EPHA5: variants seen among roughly 807,000 people sequenced by gnomAD.
EPHA5 encodes ephrin type-A receptor 5.
In EPHA5, 60 loss-of-function variants were observed where a neutral mutation model predicts 105.0. The ratio of observed to expected loss-of-function variants is 0.57; its 90% CI spans 0.46 to 0.71. The LOEUF (loss-of-function observed/expected upper bound fraction) is 0.71. Among genes scored for constraint, EPHA5 ranks in the 30% least tolerant of loss-of-function variants. EPHA5 has a pLI of 0.00. For synonymous variants in EPHA5, 513 were observed against 449.1 expected (o/e 1.14, Z -1.80); for missense variants, 1,218 against 1,274.7 (o/e 0.96, Z 0.68).
chr4:65,393,286 G>T (rs2148960895), intron 8 of EPHA5, among the ~76,000 whole-genome samples: 1 of 152,228 alleles, frequency 6.6e-6, no homozygotes, highest in East Asian at 1.9e-4. Flanking sequence ...GTCACAAAGT[G>T]TAACTTCTCT....
chr4:65,433,509 G>T (rs997521624), intron 5 of EPHA5, among the ~76,000 whole-genome samples: 17 of 152,260 alleles, frequency 1.1e-4, no homozygotes, highest in Middle Eastern at 3.4e-3. Flanking sequence ...CAGAAACTCA[G>T]ATATATTTCA....
At chr4:65,433,556 C>T (rs1366267289) in intron 5 of EPHA5, among the ~76,000 whole-genome samples, 2 of 152,250 alleles carry the variant, frequency 1.3e-5, no homozygotes, top group East Asian at 3.9e-4. Context: ...ATATAAATTT[C>T]CTATTGCTGC....
intron 5 of EPHA5, among the ~76,000 whole-genome samples, chr4:65,444,137 A>G (rs1035107977): frequency 3.9e-5 from 6 of 152,074 alleles, no homozygotes; most frequent in African/African-American, 1.4e-4. Flanking sequence ...TTTCATTAAA[A>G]CTGTTTTACT....
At chr4:65,470,518 G>A (rs1325683278) in intron 5 of EPHA5, among the ~76,000 whole-genome samples, 1 of 152,030 alleles carries the variant, frequency 6.6e-6, no homozygotes, top group Admixed American at 6.6e-5. Flanking sequence ...TATAATAGTA[G>A]AACATGTATT....
At chr4:65,499,755 C>T (rs1393055137) in intron 3 of EPHA5, among the ~76,000 whole-genome samples, 1 of 151,386 alleles carries the variant, frequency 6.6e-6, no homozygotes, top group Non-Finnish European at 1.5e-5. Flanking sequence ...AGAAACTTTT[C>T]TTCTGCCTCT....
intron 8 of EPHA5, among the ~76,000 whole-genome samples, chr4:65,389,814 G>A (rs1050620091): frequency 6.6e-6 from 1 of 151,980 alleles, no homozygotes; most frequent in Non-Finnish European, 1.5e-5. Flanking sequence ...TCTGTCTGGA[G>A]GGACACTAAA....
intron 2 of EPHA5, among the ~76,000 whole-genome samples, chr4:65,606,507 T>C (rs904504368): frequency 6.6e-6 from 1 of 152,170 alleles, no homozygotes; most frequent in Admixed American, 6.5e-5. Flanking sequence ...GATTAAAAAT[T>C]AGTTTGGTAA....
At chr4:65,510,195 T>C (rs1048558687) in intron 3 of EPHA5, among the ~76,000 whole-genome samples, 3 of 104,030 alleles carry the variant, frequency 2.9e-5, no homozygotes, top group Non-Finnish European at 5.9e-5. Context: ...CCACTACGTC[T>C]GGCTAATTTT....
intron 3 of EPHA5, among the ~76,000 whole-genome samples, chr4:65,586,332 TA>T (rs1205234735): frequency 4.0e-5 from 6 of 151,800 alleles, no homozygotes; most frequent in African/African-American, 1.4e-4. Context: ...ATATAATAAT[TA>T]GACAATCTTA....
At chr4:65,502,693 T>C (rs968988631) in intron 3 of EPHA5, among the ~76,000 whole-genome samples, 1 of 151,784 alleles carries the variant, frequency 6.6e-6, no homozygotes, top group African/African-American at 2.4e-5. Context: ...TTTGGAGATT[T>C]CTCAAATAAC....
At chr4:65,371,825 A>G (rs11722874) in intron 8 of EPHA5, among the ~76,000 whole-genome samples, 7,568 of 152,010 alleles carry the variant, frequency 0.05, 337 homozygotes, top group African/African-American at 0.11. Flanking sequence ...CTTAATCTAA[A>G]TAACGTACAG....
At chr4:65,536,376 G>A (rs1736287182) in intron 3 of EPHA5, among the ~76,000 whole-genome samples, 1 of 151,892 alleles carries the variant, frequency 6.6e-6, no homozygotes, top group Admixed American at 6.6e-5. Context: ...TTAACAATGT[G>A]TTATAGGAAA....
At chr4:65,462,677 A>G (rs185817471) in intron 5 of EPHA5, among the ~76,000 whole-genome samples, 402 of 152,296 alleles carry the variant, frequency 2.6e-3, no homozygotes, top group African/African-American at 9.3e-3. Context: ...GGTGGTCTCA[A>G]CGTTCCAAGA....
At chr4:65,663,868 A>C (rs2149555351) in intron 1 of EPHA5, among the ~76,000 whole-genome samples, 1 of 152,156 alleles carries the variant, frequency 6.6e-6, no homozygotes, top group Middle Eastern at 3.4e-3. Context: ...ACCACTATTT[A>C]TTTGGAGCTT....
chr4:65,443,775 T>G (rs1047285543), intron 5 of EPHA5, among the ~76,000 whole-genome samples: 1 of 152,210 alleles, frequency 6.6e-6, no homozygotes, highest in African/African-American at 2.4e-5. Context: ...TGGTGAACTC[T>G]GACAGAAAAC....
chr4:65,642,011 G>T (rs188829760), intron 2 of EPHA5, among the ~76,000 whole-genome samples: 2 of 151,910 alleles, frequency 1.3e-5, no homozygotes, highest in South Asian at 2.1e-4. Context: ...AACACCATAC[G>T]TATACTCTCA....
rs2149213659 is a variant in EPHA5 at position 65,490,580 on chromosome 4, G to A, written c.1199C>T (p.Ser400Phe). 2 of 1,614,086 alleles carry A rather than the reference G, an allele frequency of 1.2e-6. No homozygotes were observed. Among genetic ancestry groups the A allele is most frequent in the South Asian group, 1.1e-5 (1 of 91,076 alleles). ...SYYIACKKCN[S>F]HAGVCEECGG... is the part of the protein sequence containing the mutation. ...ACACTCCTCACACACACCTGCATGG[G>A]AGTTGCACTTCTTGCATGCAATATA... The change falls in exon 5 of 17, where the codon TCC becomes TTC. Residue 400 changes from serine to phenylalanine, a missense_variant. Ser to Phe is a radical substitution (Grantham distance 155). Transcript: ENST00000613740.
intron 16 of EPHA5, chr4:65,330,798 A>T (rs1720539505): frequency 1.9e-6 from 2 of 1,028,172 alleles, no homozygotes; most frequent in Non-Finnish European, 2.3e-6. Flanking sequence ...AATAATGGAC[A>T]AAGCATATGT....
intron 3 of EPHA5, among the ~76,000 whole-genome samples, chr4:65,503,337 T>C (rs547940523): frequency 2.0e-5 from 3 of 151,892 alleles, no homozygotes; most frequent in African/African-American, 7.2e-5. Context: ...GGTTAAAACA[T>C]TGATACAATT....
Sources: gnomAD v4.1 joint callset for allele counts (sites outside exome capture counted in the v4.1 genomes callset) on GRCh38, gnomAD v4.1.1 for gene constraint, MANE v1.5 for transcripts, NCBI Gene and HGNC (gene_info 2026-07-23, HGNC 2026-07-21) for gene names.